The following TNR variants were observed in gnomAD, a reference collection of about 807,000 sequenced individuals.
TNR encodes tenascin R.
A neutral mutation model predicts 150.4 loss-of-function variants in TNR; 45 were observed. The observed-to-expected ratio is 0.30, with a 90% CI of 0.24 to 0.38. The LOEUF is 0.38. TNR is among the 10% of genes least tolerant of loss of function. The pLI is 1.00. For synonymous variants in TNR, 687 were observed against 678.4 expected, an observed-to-expected ratio of 1.01 and a Z score of -0.20; for missense variants, 1,544 against 1,759.1, an observed-to-expected ratio of 0.88 and a Z score of 2.19.
At chr1:175,726,490 G>A (rs966303498) in intron 1 of TNR, among the ~76,000 whole-genome samples, 2 of 152,346 alleles carry the variant, frequency 1.3e-5, no homozygotes, top group East Asian at 1.9e-4. Flanking sequence ...TAAGGTACCT[G>A]TAGTCAAATA....
chr1:175,733,148 A>C (rs980636010), intron 1 of TNR, among the ~76,000 whole-genome samples: 1 of 152,238 alleles, frequency 6.6e-6, no homozygotes, highest in Non-Finnish European at 1.5e-5. Context: ...GCCACTGGCA[A>C]ATAATCTCTT....
intron 2 of TNR, among the ~76,000 whole-genome samples, chr1:175,429,639 T>C (rs1053896295): frequency 8.5e-5 from 13 of 152,218 alleles, no homozygotes; most frequent in Non-Finnish European, 8.8e-5. Context: ...TAGCATCTTA[T>C]GAGATTAATA....
At chr1:175,424,945 G>A (rs1654909122) in intron 2 of TNR, among the ~76,000 whole-genome samples, 1 of 152,010 alleles carries the variant, frequency 6.6e-6, no homozygotes. Flanking sequence ...CAAGCCAGAG[G>A]GCTCTAGTAG....
intron 1 of TNR, among the ~76,000 whole-genome samples, chr1:175,647,364 A>AAG (rs1285577370): frequency 6.6e-6 from 1 of 151,472 alleles, no homozygotes; most frequent in African/African-American, 2.4e-5. Flanking sequence ...TTAATTCTTT[A>AAG]AGAGCCTTTC....
chr1:175,654,498 AT>A (rs1665109742), intron 1 of TNR, among the ~76,000 whole-genome samples: 1 of 151,972 alleles, frequency 6.6e-6, no homozygotes, highest in African/African-American at 2.4e-5. Flanking sequence ...TGGGGATCAC[AT>A]TTTTTCCAGC....
At chr1:175,393,971 G>A in intron 5 of TNR, 76 bp from the exon 6 acceptor site, 1 of 1,182,376 alleles carries the variant, frequency 8.5e-7, no homozygotes. Context: ...GCTTTGTCTT[G>A]GTGAACTCCC....
chr1:175,530,752 C>G (rs1245787602), intron 1 of TNR, among the ~76,000 whole-genome samples: 2 of 151,202 alleles, frequency 1.3e-5, no homozygotes, highest in Non-Finnish European at 2.9e-5. Context: ...TTGCCTCTCT[C>G]TACCTCCTCT....
chr1:175,379,661 T>A lies in TNR; in HGVS notation c.1854A>T (p.Glu618Asp). Residue 618 changes from glutamate (E) to aspartate (D), a missense_variant, in exon 9 of 23, where the codon GAA becomes GAT. Coordinates refer to ENST00000367674, the MANE Select transcript of TNR (RefSeq NM_003285.3). ...CAACCTTGTACTCCTGAACTTCGGC[T>A]TCACTGTTATCCCACTCGAGGTCAA... ...TSLDLEWDNS[E>D]AEVQEYKVVY... is the part of the protein sequence containing the mutation. 1.9e-6 allele frequency: 3 copies of A among 1,614,206 alleles called. No homozygotes were observed. Among genetic ancestry groups the A allele is most frequent in the Non-Finnish European group, 2.5e-6 (3 of 1,180,036 alleles).
chr1:175,452,294 C>T (rs1656362547), intron 2 of TNR, among the ~76,000 whole-genome samples: 1 of 152,238 alleles, frequency 6.6e-6, no homozygotes, highest in African/African-American at 2.4e-5. Context: ...AACAAAGCGC[C>T]CTGCTCGAAA....
chr1:175,373,299 T>C (rs577777667), intron 9 of TNR, among the ~76,000 whole-genome samples: 49 of 152,204 alleles, frequency 3.2e-4, no homozygotes, highest in African/African-American at 1.1e-3. Flanking sequence ...TTCCCATCAG[T>C]GGAATTTGGA....
chr1:175,529,376 AC>A lies in TNR; in HGVS notation c.-164-1008del, dbSNP rs200040834. ...AACCTTCCCTGGAGGACCTCATGAA[AC>A]CCTCAGAATTGGAAGAAGTGTAAAG... On this transcript the variant is annotated intron_variant, in intron 1 of 22. Coordinates refer to ENST00000367674, the MANE Select transcript of TNR (RefSeq NM_003285.3). Among the ~76,000 whole-genome samples, 150 of 152,284 alleles carry A rather than the reference AC, an allele frequency of 9.9e-4. 1 individual carries two copies. In the East Asian group the frequency reaches 0.022, roughly 22 times the overall value.
intron 4 of TNR, among the ~76,000 whole-genome samples, chr1:175,402,280 A>G (rs859405): frequency 0.66 from 85,314 of 129,496 alleles, 28,456 homozygotes; most frequent in East Asian, 0.82. Context: ...GCAGTCCGCA[A>G]TCCGGCCTGG....
At chr1:175,546,382 A>G (rs1660688419) in intron 1 of TNR, among the ~76,000 whole-genome samples, 1 of 152,186 alleles carries the variant, frequency 6.6e-6, no homozygotes, top group South Asian at 2.1e-4. Flanking sequence ...GAGTGACAGA[A>G]TCTGCTGGTG....
intron 1 of TNR, among the ~76,000 whole-genome samples, chr1:175,578,982 T>G (rs1662229180): frequency 6.6e-6 from 1 of 152,200 alleles, no homozygotes; most frequent in Non-Finnish European, 1.5e-5. Flanking sequence ...ACTCTTTGCC[T>G]TGGCCACAGT....
chr1:175,468,826 G>T (rs932042454), intron 2 of TNR, among the ~76,000 whole-genome samples: 4 of 152,128 alleles, frequency 2.6e-5, no homozygotes, highest in African/African-American at 7.2e-5. Flanking sequence ...TCAGGATGGG[G>T]ACTTTTCTTT....
intron 2 of TNR, among the ~76,000 whole-genome samples, chr1:175,511,249 T>TTTAAATAAATAAATAATTATTTAAATAAA (rs1659161814): frequency 6.6e-6 from 1 of 152,238 alleles, no homozygotes; most frequent in South Asian, 2.1e-4. Flanking sequence ...AGCAAATTAA[T>TTTAAATAAATAAATAATTATTTAAATAAA]TTAAATAAAG....
At chr1:175,648,692 A>G (rs1191672982) in intron 1 of TNR, among the ~76,000 whole-genome samples, 1 of 152,046 alleles carries the variant, frequency 6.6e-6, no homozygotes, top group Non-Finnish European at 1.5e-5. Context: ...GTCTTCTCCC[A>G]TAGTAACAAA....
intron 18 of TNR, among the ~76,000 whole-genome samples, chr1:175,345,584 A>G (rs911561476): frequency 1.3e-5 from 2 of 152,184 alleles, no homozygotes; most frequent in Non-Finnish European, 2.9e-5. Context: ...GGATTTAAAT[A>G]AGCTAAAGAG....
intron 2 of TNR, among the ~76,000 whole-genome samples, chr1:175,449,813 T>C (rs879439190): frequency 3.5e-4 from 54 of 152,188 alleles, no homozygotes; most frequent in Non-Finnish European, 5.3e-4. Context: ...GCCAGGAAAA[T>C]CCTGCCACTT....
Sources: gnomAD v4.1 joint callset for allele counts (sites outside exome capture counted in the v4.1 genomes callset) on GRCh38, gnomAD v4.1.1 for gene constraint, MANE v1.5 for transcripts, NCBI Gene and HGNC (gene_info 2026-07-23, HGNC 2026-07-21) for gene names.